The following DCUN1D1 variants were observed in gnomAD, a reference collection of about 807,000 sequenced individuals.
DCUN1D1 encodes defective in cullin neddylation 1 domain containing 1.
Under a neutral mutation model 39.0 loss-of-function variants are expected in DCUN1D1, and 3 were observed. The ratio of observed to expected loss-of-function variants is 0.08; its 90% CI spans 0.04 to 0.20. DCUN1D1 has a LOEUF of 0.20. Ranked by LOEUF, DCUN1D1 falls within the 10% of genes least tolerant of loss-of-function variation. The pLI, the probability that DCUN1D1 is intolerant of heterozygous loss-of-function variation, is 1.00. For missense variants in DCUN1D1, 158 were observed against 302.4 expected, an observed-to-expected ratio of 0.52 and a Z score of 3.54; for synonymous variants, 82 against 96.3, an observed-to-expected ratio of 0.85 and a Z score of 0.87.
chr3:182,963,136 C>A (rs908271845), intron 3 of DCUN1D1, among the ~76,000 whole-genome samples: 1 of 152,180 alleles, frequency 6.6e-6, no homozygotes, highest in Non-Finnish European at 1.5e-5. Flanking sequence ...GTCACTCAGA[C>A]TCGAATCATG....
chr3:182,972,233 G>C (rs1162502776), intron 1 of DCUN1D1, among the ~76,000 whole-genome samples: 1 of 151,484 alleles, frequency 6.6e-6, no homozygotes, highest in African/African-American at 2.4e-5. Flanking sequence ...AAAAATCACA[G>C]GGCACTCTAA....
intron 4 of DCUN1D1, among the ~76,000 whole-genome samples, chr3:182,953,758 A>C (rs896452673): frequency 6.6e-6 from 1 of 152,216 alleles, no homozygotes; most frequent in Non-Finnish European, 1.5e-5. Context: ...ATGGAAGGCA[A>C]ATATAGAGAA....
At chr3:182,980,458 A>G (rs769616400) in intron 1 of DCUN1D1, 29 bp downstream of exon 1, 1 of 1,142,418 alleles carries the variant, frequency 8.8e-7, no homozygotes, top group Non-Finnish European at 1.1e-6. Flanking sequence ...CCCAGCCGGC[A>G]GGGCGGGCGG....
At chr3:182,984,909 C>T (rs993863815), upstream of DCUN1D1, among the ~76,000 whole-genome samples, 8 of 152,156 alleles carry the variant, frequency 5.3e-5, no homozygotes, top group African/African-American at 1.9e-4. Flanking sequence ...TACACAGACA[C>T]AGTTCAAAGC....
At chr3:182,946,180 C>T (rs1726388285) in intron 6 of DCUN1D1, among the ~76,000 whole-genome samples, 1 of 152,136 alleles carries the variant, frequency 6.6e-6, no homozygotes, top group South Asian at 2.1e-4. Context: ...CATCTTTATA[C>T]ATTTATGAAG....
At chr3:182,956,382 G>A (rs1016583397) in intron 4 of DCUN1D1, 4 of 217,916 alleles carry the variant, frequency 1.8e-5, no homozygotes, top group East Asian at 1.1e-4. Context: ...AAATATCTAC[G>A]GCTAACACAA....
chr3:182,981,961 C>G (rs1728568735), upstream of DCUN1D1, among the ~76,000 whole-genome samples: 1 of 152,210 alleles, frequency 6.6e-6, no homozygotes. Flanking sequence ...TGCAGCAAGC[C>G]TGAAACTGGA....
intron 1 of DCUN1D1, among the ~76,000 whole-genome samples, chr3:182,974,546 T>C (rs1728114842): frequency 6.6e-6 from 1 of 150,986 alleles, no homozygotes; most frequent in South Asian, 2.1e-4. Flanking sequence ...AGTTCTAACA[T>C]ACTATATTTG....
At chr3:182,979,005 A>C (rs1728380627) in intron 1 of DCUN1D1, among the ~76,000 whole-genome samples, 1 of 152,214 alleles carries the variant, frequency 6.6e-6, no homozygotes, top group African/African-American at 2.4e-5. Context: ...CCAGGGAATT[A>C]ACGTCATTAC....
Position 182,939,792 on chromosome 3 carries a change from AT to A in DCUN1D1, c.*5301del, listed in dbSNP as rs2108612990. The A allele has an allele frequency of 1.3e-5, 2 of 152,330 alleles. No individual in the cohort carries two copies. The highest frequency in any genetic ancestry group is 4.1e-4 in the South Asian group (2 of 4,830). 9.4% of individuals were successfully genotyped at this position (152,330 alleles called of 1,614,324 possible). ...ACAACTCTTAAGTTTACTAAAAACA[AT>A]TAATTGTACATGTACAATGGGTGAA... On this transcript the variant is annotated 3_prime_UTR_variant, in exon 7 of 7. Transcript: ENST00000292782.
At chr3:182,953,126 T>G (rs566073212) in intron 4 of DCUN1D1, among the ~76,000 whole-genome samples, 2 of 152,214 alleles carry the variant, frequency 1.3e-5, no homozygotes, top group Non-Finnish European at 2.9e-5. Flanking sequence ...CCTTTGGTCT[T>G]GAAAATGTGC....
intron 4 of DCUN1D1, among the ~76,000 whole-genome samples, chr3:182,957,231 G>A (rs1727119518): frequency 1.3e-5 from 2 of 152,242 alleles, no homozygotes; most frequent in African/African-American, 4.8e-5. Context: ...TGTTCAAAAG[G>A]AGAAACTGAA....
rs115305003 is a variant in DCUN1D1 at position 182,958,249 on chromosome 3, T to G, written c.520+2977A>C. Among the ~76,000 whole-genome samples, 1,305 of 152,270 alleles carry G rather than the reference T, an allele frequency of 8.6e-3. 16 individuals are homozygous for G. The highest frequency in any genetic ancestry group is 0.03 in the African/African-American group (1,234 of 41,564). On this transcript the variant is annotated intron_variant, in intron 4 of 6. Transcript: ENST00000292782. Reference sequence around the variant, plus strand: ...ACAAACCAAAAAAAAAAACTATGATTTGTCTCTTACTACATTTTTCTTTTT... The same window carrying G: ...ACAAACCAAAAAAAAAAACTATGATGTGTCTCTTACTACATTTTTCTTTTT...
At chr3:182,959,414 T>A (rs1727258954) in intron 4 of DCUN1D1, among the ~76,000 whole-genome samples, 1 of 145,832 alleles carries the variant, frequency 6.9e-6, no homozygotes, top group South Asian at 2.1e-4. Context: ...TGTTTCTCAA[T>A]ACTTTTTCCC....
intron 2 of DCUN1D1, 97 bp downstream of exon 2, chr3:182,965,440 C>A: frequency 1.4e-6 from 1 of 709,560 alleles, no homozygotes; most frequent in Non-Finnish European, 2.3e-6. Flanking sequence ...GACACATCCA[C>A]CCAATTTAAG....
At chr3:182,973,977 C>T (rs929017509) in intron 1 of DCUN1D1, among the ~76,000 whole-genome samples, 2 of 152,148 alleles carry the variant, frequency 1.3e-5, no homozygotes, top group Non-Finnish European at 1.5e-5. Context: ...AAAAGGCCAG[C>T]CGCGCCCGGC....
intron 4 of DCUN1D1, among the ~76,000 whole-genome samples, chr3:182,951,678 T>TGTAAAAGAA (rs1187369818): frequency 1.4e-5 from 2 of 147,334 alleles, no homozygotes; most frequent in Non-Finnish European, 1.5e-5. Flanking sequence ...AAGTTCAGGT[T>TGTAAAAGAA]GTAAAAGAAG....
rs904992753 is a variant in DCUN1D1, at chr3:182,941,398, T to C, written c.*3696A>G. ...TCCTATGAAATAAAAATAGAAATTA[T>C]TGCTATATTATGATTGTAAAAATGG... is the stretch of plus-strand genomic sequence containing the variant. On this transcript the variant is annotated 3_prime_UTR_variant, in exon 7 of 7. Coordinates refer to ENST00000292782, the MANE Select transcript of DCUN1D1 (RefSeq NM_020640.4). 6 of 152,038 alleles carry C rather than the reference T, an allele frequency of 3.9e-5. No individual in the cohort carries two copies. The highest frequency in any genetic ancestry group is 7.4e-5 in the Non-Finnish European group (5 of 67,964). 9.4% of individuals were successfully genotyped at this position (152,038 alleles called of 1,614,324 possible).
chr3:182,946,585 G>A (rs1726419272), intron 6 of DCUN1D1, among the ~76,000 whole-genome samples: 2 of 142,446 alleles, frequency 1.4e-5, no homozygotes, highest in Admixed American at 7.1e-5. Flanking sequence ...AAAAGTCACT[G>A]AACTTAAGGA....
Sources: allele counts gnomAD v4.1 joint callset (sites outside exome capture counted in the v4.1 genomes callset), GRCh38; gene constraint gnomAD v4.1.1; transcripts MANE v1.5; gene names NCBI Gene and HGNC (gene_info 2026-07-23, HGNC 2026-07-21).